IQCM: variants seen among roughly 807,000 people sequenced by gnomAD.
IQCM encodes IQ motif containing M.
Under a neutral mutation model 57.6 loss-of-function variants are expected in IQCM, and 45 were observed. The observed-to-expected ratio is 0.78, with a 90% confidence interval of 0.62 to 1.00. IQCM has a LOEUF of 1.00. IQCM is among the 50% of genes least tolerant of loss of function. IQCM has a pLI of 0.00. For synonymous variants in IQCM, 148 were observed against 158.9 expected, an observed-to-expected ratio of 0.93 and a Z score of 0.51; for missense variants, 468 against 511.6, an observed-to-expected ratio of 0.91 and a Z score of 0.82.
At chr4:149,538,535 C>T (rs1401818271) in intron 12 of IQCM, among the ~76,000 whole-genome samples, 2 of 151,912 alleles carry the variant, frequency 1.3e-5, no homozygotes, top group Non-Finnish European at 2.9e-5. Context: ...ATAAATGTAG[C>T]ATATCAATTA....
At chr4:149,362,110 C>T (rs534564795) in intron 13 of IQCM, among the ~76,000 whole-genome samples, 2 of 152,074 alleles carry the variant, frequency 1.3e-5, no homozygotes, top group Non-Finnish European at 2.9e-5. Flanking sequence ...TTGCATGGGC[C>T]CTGTTACTCC....
intron 7 of IQCM, among the ~76,000 whole-genome samples, chr4:149,638,840 T>C (rs1374706416): frequency 3.9e-5 from 6 of 152,178 alleles, no homozygotes; most frequent in Non-Finnish European, 8.8e-5. Context: ...AATACTAACC[T>C]GGACAGAAAG....
chr4:149,521,434 T>G (rs1745637218), intron 12 of IQCM, among the ~76,000 whole-genome samples: 1 of 152,162 alleles, frequency 6.6e-6, no homozygotes, highest in African/African-American at 2.4e-5. Context: ...ATAAAAAAAA[T>G]CAGTTTTTGT....
intron 9 of IQCM, among the ~76,000 whole-genome samples, chr4:149,582,725 C>T (rs942838998): frequency 6.6e-6 from 1 of 151,506 alleles, no homozygotes; most frequent in Non-Finnish European, 1.5e-5. Flanking sequence ...TGTTATTCAC[C>T]ATACATTTAT....
intron 13 of IQCM, among the ~76,000 whole-genome samples, chr4:149,363,961 T>C (rs1729665377): frequency 6.6e-6 from 1 of 152,186 alleles, no homozygotes; most frequent in African/African-American, 2.4e-5. Flanking sequence ...ATAGTATGAC[T>C]TTGTTCAGAA....
chr4:149,504,998 A>C (rs564498652), intron 12 of IQCM, among the ~76,000 whole-genome samples: 1 of 152,220 alleles, frequency 6.6e-6, no homozygotes, highest in African/African-American at 2.4e-5. Context: ...GTCTGCTGGC[A>C]GCTTACCATA....
chr4:149,445,606 G>C (rs2111363322), intron 12 of IQCM, among the ~76,000 whole-genome samples: 1 of 151,834 alleles, frequency 6.6e-6, no homozygotes, highest in African/African-American at 2.4e-5. Flanking sequence ...AATGTTGCCT[G>C]TGCTTAGGGT....
chr4:149,752,384 T>A (rs1768534075), intron 2 of IQCM, among the ~76,000 whole-genome samples: 1 of 151,936 alleles, frequency 6.6e-6, no homozygotes, highest in African/African-American at 2.4e-5. Context: ...AAACCCCATC[T>A]CTACTAAAAA....
chr4:149,717,703 C>G (rs1409174347), intron 5 of IQCM, among the ~76,000 whole-genome samples: 1 of 152,140 alleles, frequency 6.6e-6, no homozygotes, highest in Non-Finnish European at 1.5e-5. Flanking sequence ...GGTTGACCAA[C>G]TTACACAGAG....
intron 2 of IQCM, among the ~76,000 whole-genome samples, chr4:149,748,913 T>G (rs897699914): frequency 6.6e-6 from 1 of 152,046 alleles, no homozygotes; most frequent in African/African-American, 2.4e-5. Flanking sequence ...TACAAATCAA[T>G]GAAAAATACA....
chr4:149,379,036 C>T (rs1730890877), intron 13 of IQCM, among the ~76,000 whole-genome samples: 2 of 152,156 alleles, frequency 1.3e-5, no homozygotes, highest in South Asian at 4.1e-4. Flanking sequence ...GGTGCAAGTC[C>T]CAAGGCTTGG....
intron 13 of IQCM, among the ~76,000 whole-genome samples, chr4:149,358,211 G>T (rs940765167): frequency 2.0e-5 from 3 of 152,024 alleles, no homozygotes. Context: ...TGGATTCATT[G>T]ATTTTTCAAA....
At chr4:149,467,680 C>T (rs982112716) in intron 12 of IQCM, among the ~76,000 whole-genome samples, 3 of 152,182 alleles carry the variant, frequency 2.0e-5, no homozygotes, top group African/African-American at 4.8e-5. Flanking sequence ...CTGGATGGAA[C>T]AAGTGAAGAG....
chr4:149,396,929 A>G (rs1732271777), intron 13 of IQCM, among the ~76,000 whole-genome samples: 1 of 151,878 alleles, frequency 6.6e-6, no homozygotes, highest in South Asian at 2.1e-4. Flanking sequence ...TATACATTAC[A>G]TTTTCTTTAC....
At chr4:149,584,914 A>C (rs1752515859) in intron 9 of IQCM, among the ~76,000 whole-genome samples, 1 of 151,754 alleles carries the variant, frequency 6.6e-6, no homozygotes, top group African/African-American at 2.4e-5. Flanking sequence ...TTCCAGACCA[A>C]GTGCTGCTGC....
chr4:149,744,157 C>A (rs1314090047), intron 2 of IQCM, among the ~76,000 whole-genome samples: 1 of 152,162 alleles, frequency 6.6e-6, no homozygotes, highest in Non-Finnish European at 1.5e-5. Flanking sequence ...AATACCATTG[C>A]AGGTACAGTT....
intron 12 of IQCM, among the ~76,000 whole-genome samples, chr4:149,477,985 C>T (rs1740381577): frequency 6.6e-6 from 1 of 152,104 alleles, no homozygotes; most frequent in Non-Finnish European, 1.5e-5. Context: ...ATTTCTTAAG[C>T]TCTATGTTTC....
At chr4:149,762,551 G>A (rs1769631560) in intron 2 of IQCM, among the ~76,000 whole-genome samples, 1 of 151,974 alleles carries the variant, frequency 6.6e-6, no homozygotes, top group African/African-American at 2.4e-5. Flanking sequence ...TGAACATAAA[G>A]GTTGCAGTAT....
intron 13 of IQCM, among the ~76,000 whole-genome samples, chr4:149,374,910 C>A (rs1029873409): frequency 6.6e-5 from 10 of 151,480 alleles, no homozygotes; most frequent in Admixed American, 1.3e-4. Context: ...TCAAGACATG[C>A]GTATAAAAAC....
Sources: allele counts gnomAD v4.1 joint callset (sites outside exome capture counted in the v4.1 genomes callset), GRCh38; gene constraint gnomAD v4.1.1; transcripts MANE v1.5; gene names NCBI Gene and HGNC (gene_info 2026-07-23, HGNC 2026-07-21).